The following CLIC5 variants were observed in gnomAD, a reference collection of about 807,000 sequenced individuals.
CLIC5 encodes the protein chloride intracellular channel protein 5.
A neutral mutation model predicts 24.7 loss-of-function variants in CLIC5; 20 were observed. The ratio of observed to expected loss-of-function variants is 0.81; its 90% CI spans 0.57 to 1.18. The LOEUF is 1.18. CLIC5 is among the 50% of genes most tolerant of loss of function. CLIC5 has a pLI of 0.00. For missense variants in CLIC5, 341 were observed against 326.1 expected (o/e 1.05, Z -0.35); for synonymous variants, 159 against 135.6 (o/e 1.17, Z -1.20).
the CLIC5 span, among the ~76,000 whole-genome samples, chr6:46,098,767 G>A: frequency 6.6e-6 from 1 of 152,174 alleles, no homozygotes; most frequent in Non-Finnish European, 1.5e-5. Context: ...CCCAGCCCAG[G>A]TGTCACCACC....
chr6:45,911,014 G>C (rs1762800867), intron 5 of CLIC5, among the ~76,000 whole-genome samples: 1 of 152,174 alleles, frequency 6.6e-6, no homozygotes. Context: ...CTCTGCTTTA[G>C]AGGCTGGATC....
intron 6 of CLIC5, among the ~76,000 whole-genome samples, chr6:45,884,102 G>T (rs1762283879): frequency 6.6e-6 from 1 of 152,222 alleles, no homozygotes; most frequent in African/African-American, 2.4e-5. Flanking sequence ...CAGAAGCTCA[G>T]TGATGCCTCC....
intron 5 of CLIC5, among the ~76,000 whole-genome samples, chr6:45,904,744 CT>C (rs1257313725): frequency 2.1e-5 from 3 of 145,600 alleles, no homozygotes; most frequent in South Asian, 2.3e-4. Context: ...TTCCTTCCCT[CT>C]TTTTTTTGGG....
chr6:46,048,303 C>T (rs1688155887), intron 1 of CLIC5, among the ~76,000 whole-genome samples: 1 of 152,118 alleles, frequency 6.6e-6, no homozygotes. Flanking sequence ...GCTCCCAGCC[C>T]CATATTATAT....
At chr6:46,070,288 T>C (rs978130990) in intron 1 of CLIC5, among the ~76,000 whole-genome samples, 2 of 152,200 alleles carry the variant, frequency 1.3e-5, no homozygotes, top group Admixed American at 1.3e-4. Context: ...AAACTATCCC[T>C]GTTTGTAGAT....
At chr6:46,051,872 C>T (rs747154470) in intron 1 of CLIC5, among the ~76,000 whole-genome samples, 1 of 152,118 alleles carries the variant, frequency 6.6e-6, no homozygotes, top group Non-Finnish European at 1.5e-5. Context: ...TTATGTTAGT[C>T]TGAATTCAGC....
At chr6:46,035,797 T>C (rs546247726) in intron 1 of CLIC5, among the ~76,000 whole-genome samples, 3 of 152,080 alleles carry the variant, frequency 2.0e-5, no homozygotes, top group African/African-American at 7.2e-5. Flanking sequence ...CAGGCTGGAG[T>C]GCAGTGGTGC....
chr6:46,081,494 A>G (rs898937016), upstream of CLIC5, among the ~76,000 whole-genome samples: 1 of 152,192 alleles, frequency 6.6e-6, no homozygotes, highest in Non-Finnish European at 1.5e-5. Context: ...TTAGAGCAGC[A>G]TTTCTAGAAT....
chr6:46,015,534 G>A lies in CLIC5; in HGVS notation c.9C>T (p.Asp3=), dbSNP rs964363306. Residue 3 remains aspartate (D), a synonymous_variant, in exon 1 of 6, where the codon GAC becomes GAT. Coordinates refer to ENST00000339561, the MANE Select transcript of CLIC5 (RefSeq NM_016929.5). MT[D]SATANGDDRD... ...TGTCGTCCCCGTTAGCTGTCGCCGAGTCTGTCATGCCGTTGGCGCCCGGGG... is the reference window on the plus strand; with the variant it reads ...TGTCGTCCCCGTTAGCTGTCGCCGAATCTGTCATGCCGTTGGCGCCCGGGG... The A allele has an allele frequency of 4.9e-5, 77 of 1,578,732 alleles. No homozygotes were observed. The highest frequency in any genetic ancestry group is 6.3e-5 in the Non-Finnish European group (73 of 1,164,006).
At chr6:45,978,245 T>C (rs1446000547) in intron 1 of CLIC5, among the ~76,000 whole-genome samples, 1 of 152,206 alleles carries the variant, frequency 6.6e-6, no homozygotes, top group Non-Finnish European at 1.5e-5. Context: ...GACCCATCTA[T>C]GGTGCCTTTT....
intron 1 of CLIC5, among the ~76,000 whole-genome samples, chr6:45,992,545 G>A (rs1253587837): frequency 6.6e-6 from 1 of 152,168 alleles, no homozygotes; most frequent in Non-Finnish European, 1.5e-5. Flanking sequence ...TCAATTCCCT[G>A]GGTAAACTAC....
intron 4 of CLIC5, among the ~76,000 whole-genome samples, chr6:45,940,029 T>C (rs904974706): frequency 6.6e-6 from 1 of 152,178 alleles, no homozygotes; most frequent in Non-Finnish European, 1.5e-5. Flanking sequence ...TGGATGTCAT[T>C]GCCCACAAGA....
At chr6:45,949,757 G>A (rs193069031) in intron 2 of CLIC5, among the ~76,000 whole-genome samples, 15 of 152,252 alleles carry the variant, frequency 9.9e-5, no homozygotes, top group South Asian at 2.1e-4. Flanking sequence ...ACAAAAATGC[G>A]CTACACATAA....
the CLIC5 span, among the ~76,000 whole-genome samples, chr6:46,108,051 A>AAAAAAAAAAAAAAAAAAG: frequency 6.6e-6 from 1 of 150,950 alleles, no homozygotes; most frequent in African/African-American, 2.4e-5. Flanking sequence ...AAAAAAAAAA[A>AAAAAAAAAAAAAAAAAAG]AAAAACCTCA....
chr6:46,008,611 TATTG>T (rs1282800521), intron 1 of CLIC5, among the ~76,000 whole-genome samples: 1 of 151,934 alleles, frequency 6.6e-6, no homozygotes, highest in Admixed American at 6.5e-5. Context: ...CATTTTCATA[TATTG>T]ATTGATTGAT....
At chr6:46,071,094 T>G (rs1762582701) in intron 1 of CLIC5, among the ~76,000 whole-genome samples, 1 of 152,154 alleles carries the variant, frequency 6.6e-6, no homozygotes, top group African/African-American at 2.4e-5. Flanking sequence ...ATTAAAGATT[T>G]AAATGTAAAG....
At chr6:45,889,867 A>G (rs6936314) in intron 6 of CLIC5, among the ~76,000 whole-genome samples, 56,290 of 152,098 alleles carry the variant, frequency 0.37, 10,643 homozygotes, top group East Asian at 0.5. Context: ...TTTCAACAGC[A>G]AAAGACTAGA....
At chr6:45,957,768 A>G (rs1764693717) in intron 1 of CLIC5, among the ~76,000 whole-genome samples, 1 of 152,184 alleles carries the variant, frequency 6.6e-6, no homozygotes. Context: ...AGCTTCTTCT[A>G]TTCCCCTTCA....
intron 6 of CLIC5, among the ~76,000 whole-genome samples, chr6:45,882,177 C>A (rs756856757): frequency 3.9e-5 from 6 of 152,214 alleles, no homozygotes; most frequent in Non-Finnish European, 8.8e-5. Flanking sequence ...TTACCAAAAA[C>A]ACCCTGGAAC....
Sources: gnomAD v4.1 joint callset for allele counts (sites outside exome capture counted in the v4.1 genomes callset) on GRCh38, gnomAD v4.1.1 for gene constraint, MANE v1.5 for transcripts, NCBI Gene and HGNC (gene_info 2026-07-23, HGNC 2026-07-21) for gene names.